The following ANKFY1 variants were observed in gnomAD, a reference collection of about 807,000 sequenced individuals.
The protein encoded by ANKFY1 is ankyrin repeat and FYVE domain-containing protein 1.
Under a neutral mutation model 128.3 loss-of-function variants are expected in ANKFY1, and 47 were observed. That is an observed-to-expected ratio of 0.37 (90% confidence interval 0.29 to 0.47). The LOEUF (loss-of-function observed/expected upper bound fraction) is 0.47, where lower values mean the gene tolerates loss of function less well. ANKFY1 is among the 20% of genes least tolerant of loss of function. The probability of loss-of-function intolerance (pLI) is 1.00; values close to 1 mark genes in which losing one functional copy is unlikely to be tolerated. For missense variants in ANKFY1, 1,222 were observed against 1,510.6 expected, an observed-to-expected ratio of 0.81 and a Z score of 3.17; for synonymous variants, 553 against 601.6, an observed-to-expected ratio of 0.92 and a Z score of 1.18.
At chr17:4,253,854 C>T (rs965456916) in intron 1 of ANKFY1, among the ~76,000 whole-genome samples, 4 of 152,144 alleles carry the variant, frequency 2.6e-5, no homozygotes, top group African/African-American at 9.7e-5. Context: ...CTTTACCTAC[C>T]ATGGCAGGCA....
chr17:4,172,984 G>A (rs1157772567), intron 21 of ANKFY1, among the ~76,000 whole-genome samples: 1 of 152,206 alleles, frequency 6.6e-6, no homozygotes, highest in Non-Finnish European at 1.5e-5. Context: ...CTCAGCCTGA[G>A]TATCTGGGAC....
chr17:4,204,266 T>A (rs2059984578), intron 7 of ANKFY1, among the ~76,000 whole-genome samples: 2 of 152,208 alleles, frequency 1.3e-5, no homozygotes, highest in Admixed American at 6.5e-5. Context: ...CCCCTGGTAA[T>A]CACTGCTGGG....
Position 4,169,230 on chromosome 17 carries a change from G to A in ANKFY1, c.3345C>T (p.Ala1115=), listed in dbSNP as rs1315760972. ...GTTTGCGAGTGGTGACTCCGAACCT[G>A]GCAGTGCACTCATAGCAGTAGGAGC... The part of the protein sequence containing the change: ...CDGSYCYECT[A]RFGVTTRKHH... Residue 1115 remains alanine (A), a synonymous_variant, in exon 24 of 25, where the codon GCC becomes GCT. Transcript: ENST00000341657. This position sits in a 1 kb window ranked among gnomAD's most constrained non-coding sequence, Gnocchi z 5.0. 1.3e-6 allele frequency: 2 copies of A among 1,552,980 alleles called. No individual in the cohort carries two copies. The highest frequency in any genetic ancestry group is 4.9e-5 in the East Asian group (2 of 41,026).
intron 20 of ANKFY1, among the ~76,000 whole-genome samples, 165 bp downstream of exon 20, chr17:4,173,744 C>A (rs1379925614): frequency 6.6e-6 from 1 of 152,212 alleles, no homozygotes; most frequent in African/African-American, 2.4e-5. Context: ...CTGCCCAAGG[C>A]CTGGGCAGTC....
chr17:4,184,818 CT>C lies in ANKFY1; in HGVS notation c.1698del (p.Ala567ProfsTer82). The C allele has an allele frequency of 6.2e-7, 1 of 1,612,542 alleles. No homozygotes were observed. The highest frequency in any genetic ancestry group is 8.5e-7 in the Non-Finnish European group (1 of 1,179,876). ...PDVVSVILEQ[K>X]ANALHATNNL... ...ATGGACAGTATTCCCACTTACTTAC[CT>C]TTCTGCTCCAGGATGACAGACACCA... On this transcript the variant is annotated frameshift_variant and splice_region_variant, in exon 12 of 25. Transcript: ENST00000341657. LOFTEE classifies it high-confidence loss of function.
chr17:4,195,129 C>T lies in ANKFY1; in HGVS notation c.1221G>A (p.Leu407=). 1.2e-6 allele frequency: 2 copies of T among 1,613,922 alleles called. No homozygotes were observed. The highest frequency in any genetic ancestry group is 8.5e-7 in the Non-Finnish European group (1 of 1,179,832). The change falls in exon 10 of 25, where the codon CTG becomes CTA. Residue 407 remains leucine, a synonymous_variant. Coordinates refer to ENST00000341657, the MANE Select transcript of ANKFY1 (RefSeq NM_001330063.2). ...AAGACACTGTGATATGCTGCACTGCCAGCCACAGAGCCGTGCTGCCCTCGT... is the reference window on the plus strand; with the variant it reads ...AAGACACTGTGATATGCTGCACTGCTAGCCACAGAGCCGTGCTGCCCTCGT... ...KDHEGSTALW[L]AVQHITVSSD...
At chr17:4,222,351 T>C (rs1374958014) in intron 3 of ANKFY1, 2 of 762,860 alleles carry the variant, frequency 2.6e-6, no homozygotes, top group Non-Finnish European at 4.9e-6. Flanking sequence ...ATGACCTTAT[T>C]ATTCACTACG....
intron 8 of ANKFY1, among the ~76,000 whole-genome samples, chr17:4,196,917 C>A (rs1023430949): frequency 1.3e-5 from 2 of 152,094 alleles, no homozygotes; most frequent in Admixed American, 6.6e-5. Context: ...CTCAGGAGTT[C>A]GAGGCCAGCC....
chr17:4,174,133 G>T, intron 19 of ANKFY1, 77 bp from the exon 20 acceptor site: 2 of 1,533,728 alleles, frequency 1.3e-6, no homozygotes, highest in Non-Finnish European at 1.8e-6. Context: ...GAGCCTGCTT[G>T]TCTTCTGACA....
intron 1 of ANKFY1, among the ~76,000 whole-genome samples, chr17:4,257,390 G>T (rs761172971): frequency 2.0e-5 from 3 of 151,954 alleles, no homozygotes; most frequent in Non-Finnish European, 4.4e-5. Flanking sequence ...CGGTAGTATC[G>T]CTCCATGAGT....
At chr17:4,168,949 G>A (rs2059263881) in intron 24 of ANKFY1, 2 of 497,212 alleles carry the variant, frequency 4.0e-6, no homozygotes, top group Non-Finnish European at 7.4e-6. Flanking sequence ...AGGCCTGGCA[G>A]GCTGCCTGGA....
chr17:4,222,497 T>C, intron 3 of ANKFY1: 1 of 917,574 alleles, frequency 1.1e-6, no homozygotes, highest in Non-Finnish European at 1.8e-6. Context: ...CAGGGCAACA[T>C]TTCTGTTCAG....
chr17:4,215,478 C>T (rs538346690), intron 4 of ANKFY1, among the ~76,000 whole-genome samples: 1 of 152,088 alleles, frequency 6.6e-6, no homozygotes, highest in Admixed American at 6.6e-5. Flanking sequence ...CCGCACCCGT[C>T]GCTAGCACCC....
At chr17:4,175,257 T>TGG (rs756331988) in intron 19 of ANKFY1, among the ~76,000 whole-genome samples, 5 of 150,896 alleles carry the variant, frequency 3.3e-5, no homozygotes, top group African/African-American at 4.9e-5. Context: ...TGATTGAGCC[T>TGG]GGCAGGTCAA....
chr17:4,177,379 G>A, intron 18 of ANKFY1, 77 bp from the exon 19 acceptor site: 1 of 1,333,336 alleles, frequency 7.5e-7, no homozygotes, highest in Non-Finnish European at 1.0e-6. Context: ...AAGCTGAACT[G>A]ACCACTGGAG....
In ANKFY1 at chr17:4,179,634, G is replaced by A. The variant is rs1419430257; in HGVS notation, c.2397+87C>T. On this transcript the variant is annotated intron_variant, in intron 17 of 24. Transcript: ENST00000341657. ...CATGAAGCAGCAGCGCCTGGAACTG[G>A]GGACTGTGCAAGGTCCTCTGCCATA... 9.3e-6 allele frequency: 14 copies of A among 1,512,388 alleles called. No individual in the cohort carries two copies. The African/African-American group carries it at 1.5e-4, about 16-fold the overall frequency. 93.7% of individuals were successfully genotyped at this position (1,512,388 alleles called of 1,614,324 possible).
At chr17:4,211,528 CAT>C (rs1258539118) in intron 4 of ANKFY1, among the ~76,000 whole-genome samples, 1 of 152,002 alleles carries the variant, frequency 6.6e-6, no homozygotes, top group Non-Finnish European at 1.5e-5. Flanking sequence ...TGGATGTCCT[CAT>C]AAAGCCGCAT....
At chr17:4,217,224 C>A in intron 3 of ANKFY1, 106 bp from the exon 4 acceptor site, 1 of 1,289,742 alleles carries the variant, frequency 7.8e-7, no homozygotes, top group Non-Finnish European at 1.1e-6. Flanking sequence ...GACAGTATAC[C>A]CAACTTAAAG....
At chr17:4,241,786 G>A (rs866619455) in intron 2 of ANKFY1, among the ~76,000 whole-genome samples, 2 of 151,876 alleles carry the variant, frequency 1.3e-5, no homozygotes, top group African/African-American at 2.4e-5. Flanking sequence ...AGCAGTGAAC[G>A]AGAGACACAA....
Sources: allele counts gnomAD v4.1 joint callset (sites outside exome capture counted in the v4.1 genomes callset), GRCh38; gene constraint gnomAD v4.1.1; non-coding constraint Gnocchi (gnomAD v3.1); transcripts MANE v1.5; gene names NCBI Gene and HGNC (gene_info 2026-07-23, HGNC 2026-07-21).